ADAMTS20: variants seen among roughly 807,000 people sequenced by gnomAD.
ADAMTS20 encodes ADAM metallopeptidase with thrombospondin type 1 motif 20.
In ADAMTS20, 225 loss-of-function variants were observed where a neutral mutation model predicts 260.1. That is an observed-to-expected ratio of 0.87 (90% CI 0.78 to 0.97). The LOEUF is 0.97. Ranked by LOEUF, ADAMTS20 falls within the 50% of genes least tolerant of loss-of-function variation. The pLI is 0.00. For synonymous variants in ADAMTS20, 802 were observed against 769.5 expected, an observed-to-expected ratio of 1.04 and a Z score of -0.70; for missense variants, 2,400 against 2,337.7, an observed-to-expected ratio of 1.03 and a Z score of -0.55.
chr12:43,381,290 A>T lies in ADAMTS20; in HGVS notation c.4797+2268T>A, dbSNP rs564265860. Among the ~76,000 whole-genome samples, 154 of 152,278 alleles carry T rather than the reference A, an allele frequency of 1.0e-3. 1 individual carries two copies. Among genetic ancestry groups the T allele is most frequent in the Admixed American group, 2.8e-3 (43 of 15,296 alleles). On this transcript the variant is annotated intron_variant, in intron 31 of 38. Transcript: ENST00000389420. ...GAAAACATAGATATATATCTTTGTG[A>T]GCATGAAGTAGGCAATAGTTTCTTA... is the stretch of plus-strand genomic sequence containing the variant.
At chr12:43,423,448 T>C (rs1941271684) in intron 28 of ADAMTS20, 2 of 395,100 alleles carry the variant, frequency 5.1e-6, no homozygotes, top group Non-Finnish European at 9.1e-6. Context: ...GCTTGGTGAA[T>C]TGAAGTCATG....
intron 36 of ADAMTS20, among the ~76,000 whole-genome samples, chr12:43,371,842 G>T (rs1466783914): frequency 1.3e-5 from 2 of 152,204 alleles, no homozygotes; most frequent in African/African-American, 4.8e-5. Context: ...GTCCATAACA[G>T]CATGCACATT....
Position 43,383,953 on chromosome 12 carries a change from C to T in ADAMTS20, c.4477G>A (p.Val1493Ile), listed in dbSNP as rs1400994550. The change falls in exon 30 of 39, where the codon GTT becomes ATT. Residue 1493 changes from valine (V) to isoleucine (I), a missense_variant. Val to Ile is a conservative substitution (Grantham distance 29). Coordinates refer to ENST00000389420, the MANE Select transcript of ADAMTS20 (RefSeq NM_025003.5). The part of the protein sequence containing the change: ...NECSVTCGSG[V>I]QQRDVYCRLK... ...CTGCAGTATACATCCCTCTGCTGAA[C>T]TCCAGAGCCACAGGTCACAGAGCAC... is the stretch of plus-strand genomic sequence containing the variant. The T allele has an allele frequency of 6.2e-7, 1 of 1,613,754 alleles. No individual in the cohort carries two copies. Among genetic ancestry groups the T allele is most frequent in the Non-Finnish European group, 8.5e-7 (1 of 1,179,770 alleles).
chr12:43,498,643 A>G (rs911655394), intron 4 of ADAMTS20, among the ~76,000 whole-genome samples: 1 of 152,204 alleles, frequency 6.6e-6, no homozygotes. Flanking sequence ...TTCCTAAACT[A>G]GAAATATCTG....
chr12:43,524,231 C>T (rs1417609028), intron 3 of ADAMTS20, among the ~76,000 whole-genome samples: 1 of 151,860 alleles, frequency 6.6e-6, no homozygotes, highest in East Asian at 2.0e-4. Flanking sequence ...AAAGCTATCG[C>T]TCTCTATAAT....
At chr12:43,527,256 C>A (rs1370232444) in intron 3 of ADAMTS20, among the ~76,000 whole-genome samples, 1 of 152,034 alleles carries the variant, frequency 6.6e-6, no homozygotes, top group South Asian at 2.1e-4. Flanking sequence ...AATTCTACCA[C>A]ACGTCTATTC....
chr12:43,388,893 C>T (rs945925352), intron 29 of ADAMTS20, among the ~76,000 whole-genome samples: 2 of 152,174 alleles, frequency 1.3e-5, no homozygotes, highest in African/African-American at 4.8e-5. Flanking sequence ...CTGGTTCCTA[C>T]AGGGCACCCT....
Position 43,376,258 on chromosome 12 carries a change from T to C in ADAMTS20, c.5198A>G (p.Asn1733Ser). ...TACCTTTATTATTCTTCCCTTAATG[T>C]TAAGGTAATAGTCACCATCCTTTCT... ...HIRKDGDYYL[N>S]IKGRIIKIYC... Residue 1733 changes from asparagine (N) to serine (S), a missense_variant, in exon 34 of 39, where the codon AAC becomes AGC. Physicochemically the swap from Asn to Ser is conservative, Grantham distance 46 (BLOSUM62 1). Transcript: ENST00000389420. 6.4e-7 allele frequency: 1 copy of C among 1,552,900 alleles called. No homozygotes were observed. The highest frequency in any genetic ancestry group is 8.7e-7 in the Non-Finnish European group (1 of 1,146,614).
chr12:43,500,115 A>G (rs995987599), intron 4 of ADAMTS20, among the ~76,000 whole-genome samples: 12 of 150,218 alleles, frequency 8.0e-5, no homozygotes, highest in African/African-American at 2.5e-4. Context: ...TGCAACCTCC[A>G]TCTCCTGGGC....
rs184306670 is a variant in ADAMTS20 at position 43,515,244 on chromosome 12, T to C, written c.614-12839A>G. ...ACAAAGGTAATTCAAAGTAACCATT[T>C]ATAATTTTTAACTTCTCTATTTACT... On this transcript the variant is annotated intron_variant, in intron 3 of 38. Transcript: ENST00000389420. Among the ~76,000 whole-genome samples, 592 of 152,354 alleles carry C rather than the reference T, an allele frequency of 3.9e-3. 10 individuals are homozygous for C. Among genetic ancestry groups the C allele is most frequent in the African/African-American group, 0.014 (567 of 41,588 alleles).
chr12:43,354,299 C>A lies in ADAMTS20; in HGVS notation c.5644-1G>T. 6.3e-7 allele frequency: 1 copy of A among 1,578,096 alleles called. No individual in the cohort carries two copies. ...ATTTGCCGAAAAATCTAGTTCCATC[C>A]TGAAAATCGGAAGAAGAAATACAGA... On this transcript the variant is annotated splice_acceptor_variant, in intron 38 of 38. Transcript: ENST00000389420. LOFTEE classifies it high-confidence loss of function.
chr12:43,531,456 A>T (rs1449341273), intron 3 of ADAMTS20, among the ~76,000 whole-genome samples: 1 of 152,148 alleles, frequency 6.6e-6, no homozygotes, highest in African/African-American at 2.4e-5. Context: ...CTTATTACAA[A>T]AAAAGTTATC....
At chr12:43,510,331 G>T (rs768704412) in intron 3 of ADAMTS20, among the ~76,000 whole-genome samples, 1 of 150,462 alleles carries the variant, frequency 6.6e-6, no homozygotes, top group African/African-American at 2.4e-5. Flanking sequence ...TTAACATCTC[G>T]GTGCCCTTTA....
At position 43,383,655 on chromosome 12, in the gene ADAMTS20, T is replaced by G. The variant is rs766878992; in HGVS notation, c.4700A>C (p.Asn1567Thr). The G allele has an allele frequency of 1.2e-6, 2 of 1,613,928 alleles. No homozygotes were observed. Among genetic ancestry groups the G allele is most frequent in the Non-Finnish European group, 1.7e-6 (2 of 1,179,862 alleles). ...GGTTGAAGAATTATAGACTATTTCA[T>G]TCACTTGTCTGATTTGGTTATCTGT... is the stretch of plus-strand genomic sequence containing the variant. ...ECTDNQIRQV[N>T]EIVYNSSTIS... The change falls in exon 31 of 39, where the codon AAT (asparagine) becomes ACT (threonine). Residue 1567 changes from asparagine (N) to threonine (T), a missense_variant. Transcript: ENST00000389420.
At chr12:43,495,961 T>A (rs1290125459) in intron 4 of ADAMTS20, among the ~76,000 whole-genome samples, 1 of 152,198 alleles carries the variant, frequency 6.6e-6, no homozygotes, top group African/African-American at 2.4e-5. Context: ...TTAAAGGTGA[T>A]GTTATTGAAC....
At chr12:43,510,775 A>T (rs1297137306) in intron 3 of ADAMTS20, among the ~76,000 whole-genome samples, 4 of 152,154 alleles carry the variant, frequency 2.6e-5, no homozygotes, top group African/African-American at 9.7e-5. Context: ...AATATCTCTT[A>T]TAACAGCATG....
rs149671463 is a variant in ADAMTS20, at chr12:43,477,298, TA to T, written c.1118-8594del. 5.8e-3 allele frequency among the ~76,000 whole-genome samples: 887 copies of T among 152,184 alleles called. 9 individuals carry two copies. The highest frequency in any genetic ancestry group is 0.019 in the African/African-American group (805 of 41,530). ...ATAGTAAGAAATGACAGATACTCAG[TA>T]AAAGTTCATACTACTTAAGTTTAAA... On this transcript the variant is annotated intron_variant, in intron 7 of 38. Coordinates refer to ENST00000389420, the MANE Select transcript of ADAMTS20 (RefSeq NM_025003.5).
At chr12:43,408,774 A>G (rs1940967059) in intron 28 of ADAMTS20, among the ~76,000 whole-genome samples, 1 of 152,238 alleles carries the variant, frequency 6.6e-6, no homozygotes, top group Non-Finnish European at 1.5e-5. Context: ...ACACAAAATT[A>G]ACTATTTGTA....
intron 11 of ADAMTS20, among the ~76,000 whole-genome samples, chr12:43,460,988 A>ATATTTT: frequency 3.8e-5 from 1 of 26,396 alleles, no homozygotes; most frequent in African/African-American, 1.3e-4. Flanking sequence ...ATATATATAT[A>ATATTTT]TTTTTTTTTT....
Sources: allele counts gnomAD v4.1 joint callset (sites outside exome capture counted in the v4.1 genomes callset), GRCh38; gene constraint gnomAD v4.1.1; transcripts MANE v1.5; gene names NCBI Gene and HGNC (gene_info 2026-07-23, HGNC 2026-07-21).